The following WDR25 variants were observed in gnomAD, a reference collection of about 807,000 sequenced individuals.
WDR25 encodes the protein WD repeat-containing protein 25.
Under a neutral mutation model 47.7 loss-of-function variants are expected in WDR25, and 35 were observed. The ratio of observed to expected loss-of-function variants is 0.73; its 90% CI spans 0.56 to 0.97. The LOEUF is 0.97. Ranked by LOEUF, WDR25 falls within the 50% of genes least tolerant of loss-of-function variation. The pLI, the probability that WDR25 is intolerant of heterozygous loss-of-function variation, is 0.00. For synonymous variants in WDR25, 248 were observed against 278.9 expected, an observed-to-expected ratio of 0.89 and a Z score of 1.10; for missense variants, 634 against 704.7, an observed-to-expected ratio of 0.90 and a Z score of 1.14.
At chr14:100,490,629 T>G (rs917390131) in intron 4 of WDR25, among the ~76,000 whole-genome samples, 2 of 152,216 alleles carry the variant, frequency 1.3e-5, no homozygotes, top group African/African-American at 2.4e-5. Flanking sequence ...CTGCAGGTGA[T>G]TCTAATGTAT....
chr14:100,519,659 T>G lies in WDR25; in HGVS notation c.1102-6211T>G, dbSNP rs558614390. 2.2e-3 allele frequency among the ~76,000 whole-genome samples: 320 copies of G among 146,960 alleles called. 1 individual carries two copies. Among genetic ancestry groups the G allele is most frequent in the African/African-American group, 7.8e-3 (316 of 40,310 alleles). ...TTGTATCATATATGTAGTCTATATA[T>G]ATACACATATAGTCTATATATAACA... On this transcript the variant is annotated intron_variant, in intron 4 of 6. Coordinates refer to ENST00000402312, the MANE Select transcript of WDR25 (RefSeq NM_001161476.3).
chr14:100,439,480 A>C (rs1358513329), intron 2 of WDR25, among the ~76,000 whole-genome samples: 2 of 152,164 alleles, frequency 1.3e-5, no homozygotes, highest in Non-Finnish European at 2.9e-5. Flanking sequence ...GAAGGTGATA[A>C]AATTGCCTAG....
At chr14:100,439,737 A>G (rs1040346430) in intron 2 of WDR25, among the ~76,000 whole-genome samples, 1 of 152,218 alleles carries the variant, frequency 6.6e-6, no homozygotes, top group African/African-American at 2.4e-5. Context: ...TTGAATTGCC[A>G]TAGCTTTAAA....
intron 4 of WDR25, among the ~76,000 whole-genome samples, chr14:100,493,540 T>C (rs576173192): frequency 4.8e-4 from 73 of 152,210 alleles, no homozygotes; most frequent in Non-Finnish European, 9.6e-4. Context: ...GATTTCCCAC[T>C]TGCCCTCTGC....
At chr14:100,402,385 C>A (rs928122244) in intron 2 of WDR25, among the ~76,000 whole-genome samples, 1 of 151,676 alleles carries the variant, frequency 6.6e-6, no homozygotes, top group Non-Finnish European at 1.5e-5. Flanking sequence ...AAAACAAAAC[C>A]AAAAAATCAA....
intron 2 of WDR25, among the ~76,000 whole-genome samples, chr14:100,447,365 T>C (rs1898871382): frequency 6.6e-6 from 1 of 152,196 alleles, no homozygotes; most frequent in Non-Finnish European, 1.5e-5. Flanking sequence ...AAAGACAACT[T>C]CCCACGAGTT....
At chr14:100,482,572 G>A (rs1273668761) in intron 3 of WDR25, among the ~76,000 whole-genome samples, 1 of 152,122 alleles carries the variant, frequency 6.6e-6, no homozygotes, top group African/African-American at 2.4e-5. Flanking sequence ...TGGAGACCAT[G>A]GATCTAGGCA....
intron 2 of WDR25, among the ~76,000 whole-genome samples, chr14:100,399,470 C>T (rs1051057972): frequency 2.6e-5 from 4 of 151,834 alleles, no homozygotes; most frequent in Non-Finnish European, 5.9e-5. Flanking sequence ...CTCCTTTGGC[C>T]TTGCACCTGG....
intron 2 of WDR25, among the ~76,000 whole-genome samples, chr14:100,414,457 C>T (rs1288705890): frequency 1.3e-5 from 2 of 151,604 alleles, no homozygotes; most frequent in African/African-American, 2.4e-5. Flanking sequence ...GGATTATAGA[C>T]GTATGCCACC....
intron 4 of WDR25, among the ~76,000 whole-genome samples, chr14:100,524,451 A>G (rs1470353781): frequency 6.6e-6 from 1 of 152,204 alleles, no homozygotes; most frequent in Non-Finnish European, 1.5e-5. Context: ...AGGATAGAGC[A>G]GGCACAGGCA....
intron 2 of WDR25, among the ~76,000 whole-genome samples, chr14:100,394,889 G>A (rs1021880927): frequency 6.6e-6 from 1 of 152,196 alleles, no homozygotes; most frequent in Non-Finnish European, 1.5e-5. Flanking sequence ...GGAGGCTGAG[G>A]CGGGAGGATT....
intron 2 of WDR25, among the ~76,000 whole-genome samples, chr14:100,432,382 A>G (rs751975951): frequency 5.3e-5 from 8 of 152,222 alleles, no homozygotes; most frequent in Non-Finnish European, 8.8e-5. Flanking sequence ...CGATGCCTGA[A>G]TCTTCCAAAA....
Position 100,499,966 on chromosome 14 carries a change from G to C in WDR25, c.1101+15842G>C, listed in dbSNP as rs1900861643. On this transcript the variant is annotated intron_variant, in intron 4 of 6. Transcript: ENST00000402312. The surrounding 1 kb of genome is among the most constrained non-coding windows in gnomAD (Gnocchi z 4.4). ...GACACCAGATAGCTCTGTCTGGTGG[G>C]GAGACAGAGCTGTCCCTGAGATGGG... 6.6e-6 allele frequency among the ~76,000 whole-genome samples: 1 copy of C among 152,122 alleles called. No individual in the cohort carries two copies. The highest frequency in any genetic ancestry group is 6.5e-5 in the Admixed American group (1 of 15,280).
chr14:100,395,111 G>T (rs1432728599), intron 2 of WDR25, among the ~76,000 whole-genome samples: 2 of 152,214 alleles, frequency 1.3e-5, no homozygotes, highest in Non-Finnish European at 2.9e-5. Flanking sequence ...GCCCTGGATG[G>T]TCAGTGGCCC....
intron 2 of WDR25, among the ~76,000 whole-genome samples, chr14:100,465,650 A>T (rs1303582081): frequency 2.0e-5 from 3 of 152,224 alleles, no homozygotes; most frequent in Admixed American, 6.5e-5. Context: ...GGCTATTATT[A>T]ATAATGCTGC....
Position 100,381,569 on chromosome 14 carries a change from GGGAGTGTCTGAGTTTATTCAGCCA to G in WDR25, c.646_669del (p.Gly216_Pro223del), listed in dbSNP as rs745459468. Reference sequence around the variant, plus strand: ...CCCCAGCCCCTCTCTACGTGGGCCCGGGAGTGTCTGAGTTTATTCAGCCATATTTGAATAGCCATTATAAAGAAA... The same window carrying G: ...CCCCAGCCCCTCTCTACGTGGGCCCGTATTTGAATAGCCATTATAAAGAAA... On this transcript the variant is annotated inframe_deletion, in exon 2 of 7. Transcript: ENST00000402312. 1 of 1,609,974 alleles carries G rather than the reference GGGAGTGTCTGAGTTTATTCAGCCA, an allele frequency of 6.2e-7. No individual in the cohort carries two copies. Among genetic ancestry groups the G allele is most frequent in the East Asian group, 2.2e-5 (1 of 44,728 alleles).
chr14:100,481,170 T>A, intron 3 of WDR25: 1 of 456,264 alleles, frequency 2.2e-6, no homozygotes, highest in Non-Finnish European at 4.3e-6. Flanking sequence ...GCCAAAGTGG[T>A]TAACCAAGAA....
intron 2 of WDR25, among the ~76,000 whole-genome samples, chr14:100,431,021 A>G (rs1898317448): frequency 6.6e-6 from 1 of 152,250 alleles, no homozygotes; most frequent in Non-Finnish European, 1.5e-5. Context: ...ATGGAAGGAC[A>G]CATTAACCAC....
intron 2 of WDR25, among the ~76,000 whole-genome samples, chr14:100,397,865 G>A (rs1052216226): frequency 6.6e-6 from 1 of 152,224 alleles, no homozygotes; most frequent in Non-Finnish European, 1.5e-5. Context: ...TTGAGACGGA[G>A]TCTTGCTCTG....
Sources: gnomAD v4.1 joint callset for allele counts (sites outside exome capture counted in the v4.1 genomes callset) on GRCh38, gnomAD v4.1.1 for gene constraint, Gnocchi (gnomAD v3.1) non-coding constraint, MANE v1.5 for transcripts, NCBI Gene and HGNC (gene_info 2026-07-23, HGNC 2026-07-21) for gene names.